Variants in KIT observed in about 807,000 individuals in gnomAD.
KIT encodes KIT proto-oncogene, receptor tyrosine kinase, also known as mast/stem cell growth factor receptor Kit.
KIT carries 16 observed loss-of-function variants against 105.7 expected under a neutral mutation model. The observed-to-expected ratio is 0.15, with a 90% CI of 0.10 to 0.23. The LOEUF is 0.23. Among genes scored for constraint, KIT ranks in the 10% least tolerant of loss-of-function variants. The probability of loss-of-function intolerance (pLI) is 1.00; values close to 1 mark genes in which losing one functional copy is unlikely to be tolerated. For missense variants in KIT, 858 were observed against 1,213.8 expected, an observed-to-expected ratio of 0.71 and a Z score of 4.36; for synonymous variants, 438 against 441.1, an observed-to-expected ratio of 0.99 and a Z score of 0.09.
Position 54,690,444 on chromosome 4 carries a change from G to T in KIT, c.68-5068G>T, listed in dbSNP as rs750438652. The stretch of plus-strand genomic sequence containing the variant: ...GGTTCAGCACTTACCAAGTAGCTGG[G>T]ATAAGTATTTACTGAATAAATAGTT... On this transcript the variant is annotated intron_variant, in intron 1 of 20. Transcript: ENST00000288135. Among the ~76,000 whole-genome samples, 12 of 152,200 alleles carry T rather than the reference G, an allele frequency of 7.9e-5. No individual in the cohort carries two copies. The East Asian group carries it at 2.1e-3, about 27-fold the overall frequency.
intron 4 of KIT, among the ~76,000 whole-genome samples, chr4:54,702,186 T>G (rs1218686067): frequency 6.6e-6 from 1 of 152,156 alleles, no homozygotes; most frequent in African/African-American, 2.4e-5. Flanking sequence ...ATAGGTATAA[T>G]TCCACCGTCA....
Position 54,738,719 on chromosome 4 carries a change from C to A in KIT, c.*162C>A. The A allele has an allele frequency of 1.2e-6, 1 of 827,922 alleles. No homozygotes were observed. The highest frequency in any genetic ancestry group is 1.4e-5 in the South Asian group (1 of 71,034). The allele number at this position is 827,922 out of a possible 1,614,324, so 51.3% of individuals were successfully genotyped here. A position where few individuals can be genotyped will look rare whatever the true frequency, so the allele number is the denominator to read the frequency against. ...CACTTTAGTGGCCGATGATTTTTGT[C>A]ATCAGCCACCATCCTATTGCAAAGG... On this transcript the variant is annotated 3_prime_UTR_variant, in exon 21 of 21. Coordinates refer to ENST00000288135, the MANE Select transcript of KIT (RefSeq NM_000222.3).
At chr4:54,669,135 A>G (rs1196902521) in intron 1 of KIT, among the ~76,000 whole-genome samples, 1 of 152,190 alleles carries the variant, frequency 6.6e-6, no homozygotes. Context: ...ATTTTAGTAT[A>G]GTCTGTATAT....
At chr4:54,696,877 C>A (rs565678367) in intron 2 of KIT, among the ~76,000 whole-genome samples, 2 of 152,360 alleles carry the variant, frequency 1.3e-5, no homozygotes, top group Admixed American at 1.3e-4. Context: ...CTGAGCTAAT[C>A]CATGTGCTGT....
Position 54,738,988 on chromosome 4 carries a change from TG to T in KIT, c.*432del. The T allele has an allele frequency of 2.0e-6, 1 of 499,148 alleles. No homozygotes were observed. Among genetic ancestry groups the T allele is most frequent in the Non-Finnish European group, 3.5e-6 (1 of 286,464 alleles). 30.9% of individuals were successfully genotyped at this position (499,148 alleles called of 1,614,324 possible). Reference sequence around the variant, plus strand: ...AGAAGCTGAAAACCTAAGTCCTTTATGTGGAAAACAGAACATCATTAGAACA... The same window carrying T: ...AGAAGCTGAAAACCTAAGTCCTTTATTGGAAAACAGAACATCATTAGAACA... On this transcript the variant is annotated 3_prime_UTR_variant, in exon 21 of 21. Transcript: ENST00000288135.
intron 1 of KIT, among the ~76,000 whole-genome samples, chr4:54,676,990 G>T (rs985905867): frequency 2.0e-5 from 3 of 152,030 alleles, no homozygotes; most frequent in African/African-American, 7.3e-5. Context: ...GTGCTTGTTC[G>T]AACTTATCAC....
intron 2 of KIT, among the ~76,000 whole-genome samples, chr4:54,696,514 C>G (rs911916645): frequency 5.3e-5 from 8 of 152,182 alleles, no homozygotes; most frequent in Non-Finnish European, 7.3e-5. Flanking sequence ...TTTTCTAGTT[C>G]TGGGTGCCCC....
intron 8 of KIT, 68 bp downstream of exon 8, chr4:54,723,766 A>C: frequency 1.0e-6 from 1 of 984,880 alleles, no homozygotes; most frequent in Admixed American, 1.7e-5. Flanking sequence ...TTGAATTTCA[A>C]ATATGTTTTC....
In KIT at chr4:54,731,825, AC is replaced by A. The variant is rs1190329929; in HGVS notation, c.2234-44del. The A allele has an allele frequency of 1.9e-6, 3 of 1,606,314 alleles. No homozygotes were observed. The Admixed American group carries it at 5.0e-5, about 27-fold the overall frequency. On this transcript the variant is annotated intron_variant, in intron 15 of 20. Transcript: ENST00000288135. ...ATTGCCACTGTCTTTTCCTTTCCTG[AC>A]CTTTATGGTTGTAATTGCTAAGAAA...
intron 1 of KIT, among the ~76,000 whole-genome samples, chr4:54,663,952 T>C (rs554626176): frequency 4.5e-4 from 69 of 152,310 alleles, no homozygotes; most frequent in Non-Finnish European, 8.2e-4. Context: ...TGGTCCTACG[T>C]TACAGGCTGG....
At chr4:54,714,849 G>A (rs1023917200) in intron 7 of KIT, among the ~76,000 whole-genome samples, 1 of 152,144 alleles carries the variant, frequency 6.6e-6, no homozygotes, top group Non-Finnish European at 1.5e-5. Context: ...GGTGGTGACG[G>A]GGAGGCAGAC....
At chr4:54,717,339 G>A (rs1470406810) in intron 7 of KIT, among the ~76,000 whole-genome samples, 3 of 152,146 alleles carry the variant, frequency 2.0e-5, no homozygotes, top group Non-Finnish European at 4.4e-5. Context: ...TATCTCATAA[G>A]AAAGTTGGTC....
chr4:54,714,220 A>G (rs2109731450), intron 7 of KIT, among the ~76,000 whole-genome samples: 1 of 152,304 alleles, frequency 6.6e-6, no homozygotes, highest in Admixed American at 6.5e-5. Flanking sequence ...ACCTTACCTC[A>G]AAGTGCTTTC....
intron 7 of KIT, among the ~76,000 whole-genome samples, chr4:54,710,626 C>T (rs1721092817): frequency 6.6e-6 from 1 of 151,364 alleles, no homozygotes; most frequent in African/African-American, 2.4e-5. Flanking sequence ...TCACTGCAAC[C>T]TCCACCTCCC....
At chr4:54,676,898 A>G (rs554943984) in intron 1 of KIT, among the ~76,000 whole-genome samples, 44 of 152,148 alleles carry the variant, frequency 2.9e-4, no homozygotes, top group African/African-American at 9.9e-4. Context: ...CTCCTAGTGC[A>G]CTTCACAGCC....
intron 7 of KIT, among the ~76,000 whole-genome samples, chr4:54,711,409 C>T (rs1190145677): frequency 6.6e-6 from 1 of 152,202 alleles, no homozygotes; most frequent in East Asian, 1.9e-4. Flanking sequence ...ATCTTTATTA[C>T]TGGCCTTCCC....
rs1290059560 is a variant in KIT, at chr4:54,727,297, G to A, written c.1620G>A (p.Val540=). 12 of 1,614,112 alleles carry A rather than the reference G, an allele frequency of 7.4e-6. No individual in the cohort carries two copies. Among genetic ancestry groups the A allele is most frequent in the Non-Finnish European group, 1.0e-5 (12 of 1,179,966 alleles). ...VIVAGMMCII[V]MILTYKYLQK... is the part of the protein sequence containing the mutation. ...TAGCTGGCATGATGTGCATTATTGT[G>A]ATGATTCTGACCTACAAATATTTAC... is the stretch of plus-strand genomic sequence containing the variant. The change falls in exon 10 of 21, where the codon GTG becomes GTA. Residue 540 remains valine, a synonymous_variant. Transcript: ENST00000288135.
chr4:54,725,073 T>G (rs1301005671), intron 8 of KIT, among the ~76,000 whole-genome samples: 1 of 152,102 alleles, frequency 6.6e-6, no homozygotes, highest in Non-Finnish European at 1.5e-5. Flanking sequence ...AGTCCTCACT[T>G]TGACTATTTT....
At position 54,705,451 on chromosome 4, in the gene KIT, A is replaced by G. The variant is rs761976404; in HGVS notation, c.925+1559A>G. ...TTTTAAGAAATTACTTTTTTATTGT[A>G]TATTTTTAAGATATACAACATGATG... On this transcript the variant is annotated intron_variant, in intron 5 of 20. Coordinates refer to ENST00000288135, the MANE Select transcript of KIT (RefSeq NM_000222.3). Among the ~76,000 whole-genome samples, 6 of 152,330 alleles carry G rather than the reference A, an allele frequency of 3.9e-5. No homozygotes were observed. The South Asian group carries it at 6.2e-4, about 16-fold the overall frequency.
Sources: allele counts gnomAD v4.1 joint callset (sites outside exome capture counted in the v4.1 genomes callset), GRCh38; gene constraint gnomAD v4.1.1; transcripts MANE v1.5; gene names NCBI Gene and HGNC (gene_info 2026-07-23, HGNC 2026-07-21).